Variants in ACOT1 observed in about 807,000 individuals in gnomAD.
The protein encoded by ACOT1 is acyl-CoA thioesterase 1.
ACOT1 carries 8 observed loss-of-function variants against 15.7 expected under a neutral mutation model. That is an observed-to-expected ratio of 0.51 (90% CI 0.30 to 0.92). ACOT1 has a LOEUF of 0.92. Among genes scored for constraint, ACOT1 ranks in the 40% least tolerant of loss-of-function variants. ACOT1 has a pLI of 0.06. For missense variants in ACOT1, 151 were observed against 539.4 expected (o/e 0.28, Z 7.13); for synonymous variants, 67 against 241.2 (o/e 0.28, Z 6.69).
the ACOT1 span, among the ~76,000 whole-genome samples, chr14:73,509,853 TA>T: frequency 2.6e-5 from 2 of 76,266 alleles, no homozygotes; most frequent in South Asian, 3.6e-4. Flanking sequence ...TATATATATA[TA>T]TATATATATA....
At chr14:73,509,897 G>T in the ACOT1 span, among the ~76,000 whole-genome samples, 1 of 126,508 alleles carries the variant, frequency 7.9e-6, no homozygotes. Context: ...TTTTTGAGAC[G>T]GAGTCTTGTT....
the ACOT1 span, among the ~76,000 whole-genome samples, chr14:73,529,612 A>C: frequency 1.6e-3 from 247 of 151,526 alleles, 1 homozygote; most frequent in Middle Eastern, 3.4e-3. Context: ...TCAACTCAAA[A>C]TGGGTAGTAT....
chr14:73,522,337 A>T, the ACOT1 span: 1 of 1,614,178 alleles, frequency 6.2e-7, no homozygotes. Flanking sequence ...TGACACTTTG[A>T]TCCTCAAACT....
the ACOT1 span, chr14:73,508,164 A>G: frequency 1.9e-6 from 3 of 1,614,026 alleles, no homozygotes; most frequent in Non-Finnish European, 2.5e-6. Context: ...TCAGGAGGAT[A>G]TAAGACTGTT....
At chr14:73,492,080 A>G in the ACOT1 span, 44 of 1,613,840 alleles carry the variant, frequency 2.7e-5, no homozygotes, top group Non-Finnish European at 3.5e-5. This position sits in a 1 kb window ranked among gnomAD's most constrained non-coding sequence, Gnocchi z 4.9. Context: ...GGAAGGTAGG[A>G]AACTCTGGCG....
the ACOT1 span, chr14:73,492,053 G>A: frequency 4.3e-6 from 7 of 1,614,006 alleles, no homozygotes; most frequent in Non-Finnish European, 5.9e-6. The surrounding 1 kb of genome is among the most constrained non-coding windows in gnomAD (Gnocchi z 4.9). Context: ...CGACATCGAG[G>A]CCTTCGTGCT....
the ACOT1 span, chr14:73,522,796 G>A: frequency 1.1e-5 from 17 of 1,614,108 alleles, no homozygotes; most frequent in African/African-American, 1.9e-4. Context: ...CCAGGAACTT[G>A]AAGCTAACAG....
chr14:73,512,048 C>A, the ACOT1 span: 1 of 1,614,090 alleles, frequency 6.2e-7, no homozygotes. Context: ...CGTTCCAAAG[C>A]AGCTGTGGCA....
the ACOT1 span, among the ~76,000 whole-genome samples, chr14:73,527,822 AC>A: frequency 7.9e-5 from 12 of 151,780 alleles, no homozygotes; most frequent in African/African-American, 2.9e-4. Context: ...TACTACAAAT[AC>A]AAAAAATTAG....
At chr14:73,495,612 T>C in the ACOT1 span, among the ~76,000 whole-genome samples, 1 of 151,722 alleles carries the variant, frequency 6.6e-6, no homozygotes, top group Non-Finnish European at 1.5e-5. Context: ...TAATTGCATA[T>C]GCTTATCAGT....
chr14:73,515,611 C>T, the ACOT1 span, among the ~76,000 whole-genome samples: 3 of 122,766 alleles, frequency 2.4e-5, no homozygotes, highest in South Asian at 2.8e-4. Context: ...ACTGGGGAGG[C>T]GGAGGTTGTA....
upstream of ACOT1, chr14:73,537,109 G>A: frequency 4.2e-6 from 1 of 238,974 alleles, no homozygotes; most frequent in Non-Finnish European, 7.3e-6. Context: ...TCAGCCTCCC[G>A]AGTAGCCGGG....
the ACOT1 span, among the ~76,000 whole-genome samples, chr14:73,494,408 C>G: frequency 2.0e-5 from 3 of 152,148 alleles, no homozygotes; most frequent in Non-Finnish European, 4.4e-5. Flanking sequence ...AGTCTGTCAC[C>G]ATAATGGATA....
At chr14:73,524,310 A>AAAAAAAAATATATAT in the ACOT1 span, among the ~76,000 whole-genome samples, 11 of 54,774 alleles carry the variant, frequency 2.0e-4, no homozygotes, top group African/African-American at 8.8e-4. Context: ...AAAAAAAAAA[A>AAAAAAAAATATATAT]ATATATATAT....
At chr14:73,506,685 C>T in the ACOT1 span, 24 of 707,216 alleles carry the variant, frequency 3.4e-5, 1 homozygote, top group South Asian at 3.7e-4. Flanking sequence ...AGTGGGCTTA[C>T]AAGAGATGGG....
At chr14:73,492,150 G>T in the ACOT1 span, 1 of 1,613,990 alleles carries the variant, frequency 6.2e-7, no homozygotes, top group Non-Finnish European at 8.5e-7. The surrounding 1 kb of genome is among the most constrained non-coding windows in gnomAD (Gnocchi z 4.9). Flanking sequence ...CCCAACTTCA[G>T]TCAGGACGAC....
the ACOT1 span, chr14:73,502,876 C>G: frequency 6.4e-7 from 1 of 1,573,472 alleles, no homozygotes; most frequent in African/African-American, 1.3e-5. Context: ...AGTGTCTCCT[C>G]ATGTTGACTG....
the ACOT1 span, chr14:73,521,060 A>T: frequency 2.5e-6 from 4 of 1,605,350 alleles, no homozygotes; most frequent in East Asian, 6.7e-5. Flanking sequence ...GTGAGAAAGG[A>T]GGGAAAAGGG....
chr14:73,528,392 C>CAAAAA, the ACOT1 span, among the ~76,000 whole-genome samples: 930 of 88,252 alleles, frequency 0.011, 95 homozygotes, highest in African/African-American at 0.039. Flanking sequence ...AACTTCATCT[C>CAAAAA]AAAAAAAAAA....
Sources: allele counts gnomAD v4.1 joint callset (sites outside exome capture counted in the v4.1 genomes callset), GRCh38; gene constraint gnomAD v4.1.1; non-coding constraint Gnocchi (gnomAD v3.1); transcripts MANE v1.5; gene names NCBI Gene and HGNC (gene_info 2026-07-23, HGNC 2026-07-21).